Variants in RYR2 observed in about 807,000 individuals in gnomAD.
RYR2 encodes the protein cardiac muscle ryanodine receptor-calcium release channel.
In RYR2, 227 loss-of-function variants were observed where a neutral mutation model predicts 601.1. That is an observed-to-expected ratio of 0.38 (90% confidence interval 0.34 to 0.42). The LOEUF (loss-of-function observed/expected upper bound fraction) is 0.42. Ranked by LOEUF, RYR2 falls within the 10% of genes least tolerant of loss-of-function variation. The probability of loss-of-function intolerance (pLI) is 1.00; values close to 1 mark genes in which losing one functional copy is unlikely to be tolerated. For missense variants in RYR2, 4,646 were observed against 6,156.5 expected, an observed-to-expected ratio of 0.75 and a Z score of 8.21; for synonymous variants, 2,223 against 2,175.1, an observed-to-expected ratio of 1.02 and a Z score of -0.61.
intron 1 of RYR2, among the ~76,000 whole-genome samples, chr1:237,264,702 T>A (rs61108406): frequency 0.22 from 27,089 of 123,396 alleles, 2,544 homozygotes; most frequent in East Asian, 0.33. Context: ...TATTATTATT[T>A]TTTTTTTTTT....
At chr1:237,511,594 G>A in intron 23 of RYR2, 94 bp from the exon 24 acceptor site, 1 of 952,776 alleles carries the variant, frequency 1.0e-6, no homozygotes, top group Non-Finnish European at 1.7e-6. Context: ...GTTTCTTCTT[G>A]CCTTCTGCCT....
At chr1:237,421,457 T>TG (rs904803868) in intron 11 of RYR2, among the ~76,000 whole-genome samples, 2 of 152,162 alleles carry the variant, frequency 1.3e-5, no homozygotes, top group Non-Finnish European at 2.9e-5. Flanking sequence ...TTAACTTAAT[T>TG]GGGGGGCTTC....
At chr1:237,285,672 G>A (rs373784459) in intron 2 of RYR2, among the ~76,000 whole-genome samples, 20 of 152,036 alleles carry the variant, frequency 1.3e-4, no homozygotes, top group African/African-American at 4.3e-4. Context: ...TTTGTTGTTG[G>A]TAATTTTTAA....
At chr1:237,780,814 T>TAAG (rs1695041203) in intron 88 of RYR2, among the ~76,000 whole-genome samples, 1 of 152,140 alleles carries the variant, frequency 6.6e-6, no homozygotes, top group South Asian at 2.1e-4. Context: ...AATACATTTA[T>TAAG]AAGTTTATCT....
At chr1:237,167,271 A>T (rs768724813) in intron 1 of RYR2, among the ~76,000 whole-genome samples, 10 of 152,208 alleles carry the variant, frequency 6.6e-5, no homozygotes, top group Non-Finnish European at 1.3e-4. Context: ...CAATCAAAGG[A>T]GTAGGCACCA....
intron 16 of RYR2, among the ~76,000 whole-genome samples, chr1:237,458,757 AAG>A (rs914966689): frequency 3.3e-5 from 5 of 152,144 alleles, no homozygotes; most frequent in East Asian, 1.9e-4. Flanking sequence ...AAAAAGAAAA[AAG>A]AATGCATTTT....
At chr1:237,360,427 C>T (rs1376772780) in intron 4 of RYR2, among the ~76,000 whole-genome samples, 1 of 152,154 alleles carries the variant, frequency 6.6e-6, no homozygotes, top group Non-Finnish European at 1.5e-5. Flanking sequence ...CTTTATAAAC[C>T]TGTCACAGAG....
chr1:237,744,708 C>A (rs1691918904), intron 80 of RYR2, among the ~76,000 whole-genome samples: 1 of 102,906 alleles, frequency 9.7e-6, no homozygotes, highest in East Asian at 2.1e-4. Context: ...TTCTACTTTG[C>A]CTTCTTTTTT....
intron 11 of RYR2, among the ~76,000 whole-genome samples, chr1:237,420,799 G>A (rs1481731019): frequency 6.6e-6 from 1 of 152,166 alleles, no homozygotes; most frequent in African/African-American, 2.4e-5. Flanking sequence ...GAAAATGAAG[G>A]TGTGTTCCAT....
chr1:237,603,371 G>A (rs1169221431), intron 35 of RYR2, among the ~76,000 whole-genome samples: 7 of 152,196 alleles, frequency 4.6e-5, no homozygotes, highest in Non-Finnish European at 1.0e-4. Flanking sequence ...GTGGGGCAAG[G>A]CCAGAGGTGA....
intron 66 of RYR2, among the ~76,000 whole-genome samples, chr1:237,703,107 T>C (rs1330814266): frequency 6.6e-6 from 1 of 152,000 alleles, no homozygotes; most frequent in East Asian, 1.9e-4. Flanking sequence ...CCATTGTATT[T>C]TTATGCTTAT....
chr1:237,604,746 A>G (rs182243236), intron 35 of RYR2, among the ~76,000 whole-genome samples: 2 of 152,356 alleles, frequency 1.3e-5, no homozygotes, highest in Admixed American at 6.5e-5. Context: ...GGATATCACC[A>G]TCAATCCCAC....
chr1:237,773,718 G>A, intron 87 of RYR2, 70 bp downstream of exon 87: 1 of 1,271,590 alleles, frequency 7.9e-7, no homozygotes, highest in Non-Finnish European at 1.1e-6. Context: ...ATCTAGAGTA[G>A]TTTCCATATC....
At chr1:237,639,379 G>T (rs61834870) in intron 46 of RYR2, among the ~76,000 whole-genome samples, 178 bp downstream of exon 46, 1 of 152,142 alleles carries the variant, frequency 6.6e-6, no homozygotes, top group Non-Finnish European at 1.5e-5. Context: ...GGAATAGGTC[G>T]AATGAACAAA....
chr1:237,153,074 T>A (rs1356223564), intron 1 of RYR2, among the ~76,000 whole-genome samples: 1 of 152,182 alleles, frequency 6.6e-6, no homozygotes, highest in Non-Finnish European at 1.5e-5. Flanking sequence ...ATTTGTGTTT[T>A]AAAAAGATGA....
Position 237,617,304 on chromosome 1 carries a change from T to C in RYR2, c.5734T>C (p.Tyr1912His). The C allele has an allele frequency of 6.2e-7, 1 of 1,613,050 alleles. No individual in the cohort carries two copies. Among genetic ancestry groups the C allele is most frequent in the Non-Finnish European group, 8.5e-7 (1 of 1,179,430 alleles). ...CTCTTAGATGTGCCTACTGCTTCAGTACCTCTGTGACTGCCAGGTCCGGCA... is the reference window on the plus strand; with the variant it reads ...CTCTTAGATGTGCCTACTGCTTCAGCACCTCTGTGACTGCCAGGTCCGGCA... ...VKLQMCLLLQ[Y>H]LCDCQVRHRI... is the part of the protein sequence containing the mutation. The change falls in exon 38 of 105, where the codon TAC becomes CAC. Residue 1912 changes from tyrosine (Y) to histidine (H), a missense_variant. By Grantham distance (83) the Tyr-to-His change is moderately conservative (BLOSUM62 2). Around this residue, in one of 17 missense-constraint regions of RYR2, gnomAD observed 1,807 missense variants for 2,088.1 expected, o/e 0.87. Transcript: ENST00000366574.
intron 17 of RYR2, among the ~76,000 whole-genome samples, chr1:237,480,719 C>A (rs542924266): frequency 4.1e-4 from 62 of 152,256 alleles, no homozygotes; most frequent in Non-Finnish European, 7.8e-4. Flanking sequence ...TTTACTCCAG[C>A]AAACTCCTGA....
Position 237,309,959 on chromosome 1 carries a change from G to A in RYR2, c.169-20919G>A, listed in dbSNP as rs146844430. On this transcript the variant is annotated intron_variant, in intron 2 of 104. Coordinates refer to ENST00000366574, the MANE Select transcript of RYR2 (RefSeq NM_001035.3). ...CGAGCCCACGCTCACCAGCACAAGC[G>A]CCACGCGCAGCTCTGGTTCCTGCCC... 5.2e-3 allele frequency among the ~76,000 whole-genome samples: 792 copies of A among 152,284 alleles called. 9 individuals are homozygous for A. The highest frequency in any genetic ancestry group is 0.017 in the African/African-American group (701 of 41,560).
At chr1:237,062,292 G>T (rs1662978766) in intron 1 of RYR2, among the ~76,000 whole-genome samples, 1 of 152,138 alleles carries the variant, frequency 6.6e-6, no homozygotes, top group Admixed American at 6.5e-5. Flanking sequence ...AATTTTTAAT[G>T]AAATAGCATC....
Sources: gnomAD v4.1 joint callset for allele counts (sites outside exome capture counted in the v4.1 genomes callset) on GRCh38, gnomAD v4.1.1 for gene constraint, gnomAD v4.1.1 regional missense constraint, MANE v1.5 for transcripts, NCBI Gene and HGNC (gene_info 2026-07-23, HGNC 2026-07-21) for gene names.